TMPRSS6: variants seen among roughly 807,000 people sequenced by gnomAD.
The protein encoded by TMPRSS6 is transmembrane serine protease 6.
Under a neutral mutation model 101.5 loss-of-function variants are expected in TMPRSS6, and 67 were observed. The ratio of observed to expected loss-of-function variants is 0.66; its 90% confidence interval spans 0.54 to 0.81. TMPRSS6 has a LOEUF of 0.81. TMPRSS6 is among the 30% of genes least tolerant of loss of function. The pLI, the probability that TMPRSS6 is intolerant of heterozygous loss-of-function variation, is 0.00. For missense variants in TMPRSS6, 1,034 were observed against 1,088.7 expected (o/e 0.95, Z 0.71); for synonymous variants, 453 against 464.9 (o/e 0.97, Z 0.33).
intron 16 of TMPRSS6, among the ~76,000 whole-genome samples, chr22:37,067,648 G>GAACTCTGCAGTGCCCC: frequency 6.6e-6 from 1 of 152,162 alleles, no homozygotes; most frequent in Non-Finnish European, 1.5e-5. Context: ...GGTTTCCTTA[G>GAACTCTGCAGTGCCCC]AACTCTGCAG....
chr22:37,074,845 A>G lies in TMPRSS6; in HGVS notation c.1343-137T>C. The G allele has an allele frequency of 5.5e-6, 5 of 916,146 alleles. No individual in the cohort carries two copies. In the Admixed American group the frequency reaches 9.9e-5, roughly 18 times the overall value. 56.8% of individuals were successfully genotyped at this position (916,146 alleles called of 1,614,324 possible). On this transcript the variant is annotated intron_variant, in intron 11 of 17. Coordinates refer to ENST00000676104, the MANE Select transcript of TMPRSS6 (RefSeq NM_001374504.1). Reference sequence around the variant, plus strand: ...GGCACCCACAGACGTGGTCCTGGGCACCTGTGTACACAGTCCAAGCAGACA... The same window carrying G: ...GGCACCCACAGACGTGGTCCTGGGCGCCTGTGTACACAGTCCAAGCAGACA...
Position 37,108,487 on chromosome 22 carries a change from C to A in TMPRSS6, c.-2+1016G>T, listed in dbSNP as rs145905374. On this transcript the variant is annotated intron_variant, in intron 1 of 17. Transcript: ENST00000676104. Reference sequence around the variant, plus strand: ...GAAGCAGTCCCCCAGCTCTGAGCACCATGGACCCCACCCTGGCACCTGCTC... The same window carrying A: ...GAAGCAGTCCCCCAGCTCTGAGCACAATGGACCCCACCCTGGCACCTGCTC... Among the ~76,000 whole-genome samples, 541 of 152,308 alleles carry A rather than the reference C, an allele frequency of 3.6e-3. 4 individuals are homozygous for A. Among genetic ancestry groups the A allele is most frequent in the African/African-American group, 0.012 (509 of 41,562 alleles).
chr22:37,108,812 G>C (rs1397090498), intron 1 of TMPRSS6, among the ~76,000 whole-genome samples: 3 of 152,192 alleles, frequency 2.0e-5, no homozygotes, highest in African/African-American at 7.2e-5. Flanking sequence ...GCAGAGCAGG[G>C]ACTCTGGGCT....
chr22:37,082,850 T>C (rs1220581832), intron 10 of TMPRSS6: 2 of 406,096 alleles, frequency 4.9e-6, no homozygotes, highest in Non-Finnish European at 9.8e-6. Flanking sequence ...ATGCCATGAG[T>C]ATTTCTTCTC....
rs930570727 is a variant in TMPRSS6, at chr22:37,103,901, G to A, written c.-1-483C>T. On this transcript the variant is annotated intron_variant, in intron 1 of 17. Transcript: ENST00000676104. The surrounding 1 kb of genome is among the most constrained non-coding windows in gnomAD (Gnocchi z 4.4). ...CACACAGTCCATGCACTTAGCCCCC[G>A]CCCCAGAATCCCCTGAGCTGGCACT... is the stretch of plus-strand genomic sequence containing the variant. 4.6e-5 allele frequency among the ~76,000 whole-genome samples: 7 copies of A among 152,110 alleles called. No homozygotes were observed. The highest frequency in any genetic ancestry group is 3.3e-4 in the Admixed American group (5 of 15,262).
chr22:37,076,060 GAAAAA>G (rs1310695964), intron 10 of TMPRSS6, among the ~76,000 whole-genome samples: 4 of 148,456 alleles, frequency 2.7e-5, no homozygotes, highest in Non-Finnish European at 4.5e-5. Flanking sequence ...GGGAGGGAAA[GAAAAA>G]AGAAAAGAAA....
In TMPRSS6 at chr22:37,067,202, G is replaced by A. The variant is rs538691899; in HGVS notation, c.2114-240C>T. ...GCCCATGTGGAGGGCCGGGCACGGT[G>A]GCTCATGCCTGTAATCCCAGCACTT... On this transcript the variant is annotated intron_variant, in intron 16 of 17. Coordinates refer to ENST00000676104, the MANE Select transcript of TMPRSS6 (RefSeq NM_001374504.1). Among the ~76,000 whole-genome samples the A allele has an allele frequency of 1.2e-4, 18 of 152,302 alleles. No individual in the cohort carries two copies. In the South Asian group the frequency reaches 3.5e-3, roughly 30 times the overall value.
chr22:37,095,597 T>G lies in TMPRSS6; in HGVS notation c.590-5A>C. The G allele has an allele frequency of 2.7e-6, 4 of 1,471,942 alleles. No individual in the cohort carries two copies. The highest frequency in any genetic ancestry group is 3.6e-6 in the Non-Finnish European group (4 of 1,111,286). The allele number at this position is 1,471,942 out of a possible 1,614,324, so 91.2% of individuals were successfully genotyped here. On this transcript the variant is annotated splice_polypyrimidine_tract_variant and splice_region_variant and intron_variant, in intron 5 of 17. Transcript: ENST00000676104. ...CTATGTCTTTCACACTGGCTTCTGA[T>G]AAAAGGAAATGAACAAACAAATAAA...
chr22:37,068,822 T>C (rs1926575536), intron 16 of TMPRSS6: 2 of 731,852 alleles, frequency 2.7e-6, no homozygotes, highest in African/African-American at 1.8e-5. Flanking sequence ...GTCCCAGACC[T>C]GCCCCTTTGC....
At chr22:37,074,760 C>T (rs777411575) in intron 11 of TMPRSS6, 52 bp from the exon 12 acceptor site, 6 of 1,585,354 alleles carry the variant, frequency 3.8e-6, no homozygotes, top group Admixed American at 3.4e-5. Context: ...TTAGGCCATG[C>T]GTAGCCGCGA....
chr22:37,101,820 G>A lies in TMPRSS6; in HGVS notation c.202+1396C>T, dbSNP rs1438401137. 2.6e-5 allele frequency among the ~76,000 whole-genome samples: 4 copies of A among 152,216 alleles called. No individual in the cohort carries two copies. Among genetic ancestry groups the A allele is most frequent in the African/African-American group, 4.8e-5 (2 of 41,446 alleles). On this transcript the variant is annotated intron_variant, in intron 2 of 17. Coordinates refer to ENST00000676104, the MANE Select transcript of TMPRSS6 (RefSeq NM_001374504.1). This position sits in a 1 kb window ranked among gnomAD's most constrained non-coding sequence, Gnocchi z 4.1. ...TGAGTTCCTGGCCCTCCAGCCCAGT[G>A]CCCCGTGGTTTACCCTGTAGACTAA...
chr22:37,066,133 C>T lies in TMPRSS6; in HGVS notation c.2356G>A (p.Val786Ile), dbSNP rs139105452. 0.01 allele frequency: 16,267 copies of T among 1,613,366 alleles called. 100 individuals are homozygous for T. Among genetic ancestry groups the T allele is most frequent in the Non-Finnish European group, 0.012 (13,856 of 1,179,966 alleles). Residue 786 changes from valine (V) to isoleucine (I), a missense_variant, in exon 18 of 18, where the codon GTC (valine) becomes ATC (isoleucine). Transcript: ENST00000676104. ...ATCACACCTGTGATGCGGGTGTAGACGCCGAAGTAGTTAGGCCGGCCACAG... is the reference window on the plus strand; with the variant it reads ...ATCACACCTGTGATGCGGGTGTAGATGCCGAAGTAGTTAGGCCGGCCACAG... ...LGCGRPNYFG[V>I]YTRITGVISW... is the part of the protein sequence containing the mutation.
chr22:37,103,299 C>A lies in TMPRSS6; in HGVS notation c.119G>T (p.Gly40Val). 2 of 1,614,188 alleles carry A rather than the reference C, an allele frequency of 1.2e-6. No individual in the cohort carries two copies. Among genetic ancestry groups the A allele is most frequent in the Non-Finnish European group, 1.7e-6 (2 of 1,180,026 alleles). Residue 40 changes from glycine to valine, a missense_variant, in exon 2 of 18, where the codon GGC (glycine) becomes GTC (valine). Coordinates refer to ENST00000676104, the MANE Select transcript of TMPRSS6 (RefSeq NM_001374504.1). The surrounding 1 kb of genome is among the most constrained non-coding windows in gnomAD (Gnocchi z 4.4). ...ACEDSKRKAR[G>V]YLRLVPLFVL... is the part of the protein sequence containing the mutation. ...AAACAGGGGCACCAGGCGGAGGTAG[C>A]CCCGGGCTTTTCTCTTGGAGTCCTC... is the stretch of plus-strand genomic sequence containing the variant.
chr22:37,088,278 T>C (rs953638602), intron 7 of TMPRSS6, among the ~76,000 whole-genome samples: 2 of 151,468 alleles, frequency 1.3e-5, no homozygotes, highest in African/African-American at 4.9e-5. Flanking sequence ...GCAGGAGGGG[T>C]GACAAGGAGA....
chr22:37,105,282 T>C (rs544931687), intron 1 of TMPRSS6, among the ~76,000 whole-genome samples: 1 of 152,270 alleles, frequency 6.6e-6, no homozygotes, highest in East Asian at 1.9e-4. Flanking sequence ...CCTCCACAAC[T>C]AAGCTAGGAC....
At chr22:37,085,094 C>A (rs979340168) in intron 8 of TMPRSS6, among the ~76,000 whole-genome samples, 2 of 152,130 alleles carry the variant, frequency 1.3e-5, no homozygotes, top group Non-Finnish European at 2.9e-5. Flanking sequence ...GTGCTCGATC[C>A]GTGTTAGTTA....
rs749787517 is a variant in TMPRSS6 at position 37,066,200 on chromosome 22, A to G, written c.2289T>C (p.Ser763=). The G allele has an allele frequency of 1.2e-5, 20 of 1,613,040 alleles. No individual in the cohort carries two copies. The highest frequency in any genetic ancestry group is 1.7e-5 in the Non-Finnish European group (20 of 1,179,960). The change falls in exon 18 of 18, where the codon AGT becomes AGC. Residue 763 remains serine, a synonymous_variant. Coordinates refer to ENST00000676104, the MANE Select transcript of TMPRSS6 (RefSeq NM_001374504.1). ...SGGPLVCKAL[S]GRWFLAGLVS... is the part of the protein sequence containing the mutation. ...CCAGCCCCGCCAGGAACCAGCGGCC[A>G]CTGAGTGCCTTGCACACCAGCGGAC...
At chr22:37,091,376 C>G (rs1416068337) in intron 6 of TMPRSS6, among the ~76,000 whole-genome samples, 1 of 152,208 alleles carries the variant, frequency 6.6e-6, no homozygotes. Flanking sequence ...CAAAAGTCCC[C>G]CTGTCAGCTT....
chr22:37,100,678 G>C (rs1355056435), intron 2 of TMPRSS6, among the ~76,000 whole-genome samples: 1 of 152,234 alleles, frequency 6.6e-6, no homozygotes, highest in Non-Finnish European at 1.5e-5. Context: ...TAGACATTAA[G>C]AGGAAGAGCA....
Sources: allele counts gnomAD v4.1 joint callset (sites outside exome capture counted in the v4.1 genomes callset), GRCh38; gene constraint gnomAD v4.1.1; non-coding constraint Gnocchi (gnomAD v3.1); transcripts MANE v1.5; gene names NCBI Gene and HGNC (gene_info 2026-07-23, HGNC 2026-07-21).